FAM3D: variants seen among roughly 807,000 people sequenced by gnomAD.
FAM3D encodes the protein protein FAM3D.
FAM3D carries 26 observed loss-of-function variants against 29.8 expected under a neutral mutation model. That is an observed-to-expected ratio of 0.87 (90% CI 0.64 to 1.21). The LOEUF (loss-of-function observed/expected upper bound fraction) is 1.21. Ranked by LOEUF, FAM3D falls within the 50% of genes most tolerant of loss-of-function variation. The pLI is 0.00. For synonymous variants in FAM3D, 115 were observed against 102.3 expected (o/e 1.12, Z -0.75); for missense variants, 253 against 290.9 (o/e 0.87, Z 0.95).
intron 7 of FAM3D, among the ~76,000 whole-genome samples, chr3:58,639,303 A>C (rs998786959): frequency 5.9e-5 from 9 of 152,176 alleles, no homozygotes; most frequent in Admixed American, 6.5e-5. Context: ...AGGTTATCTA[A>C]TCTTCACATC....
intron 1 of FAM3D, among the ~76,000 whole-genome samples, chr3:58,664,472 T>C (rs962319707): frequency 6.6e-6 from 1 of 152,230 alleles, no homozygotes; most frequent in African/African-American, 2.4e-5. Context: ...GGTGCACAGC[T>C]TGGACAACAG....
chr3:58,663,803 G>A (rs998001482), intron 1 of FAM3D, among the ~76,000 whole-genome samples: 3 of 152,164 alleles, frequency 2.0e-5, no homozygotes, highest in Non-Finnish European at 4.4e-5. Context: ...CCTTGGTTTT[G>A]TGCCTGGCTC....
intron 7 of FAM3D, among the ~76,000 whole-genome samples, chr3:58,639,718 C>T (rs1282864888): frequency 2.0e-5 from 3 of 152,144 alleles, no homozygotes; most frequent in African/African-American, 2.4e-5. Context: ...AAGAGACCTG[C>T]GTGGGCCCTG....
intron 5 of FAM3D, among the ~76,000 whole-genome samples, chr3:58,645,304 G>C (rs1173192711): frequency 6.6e-6 from 1 of 152,176 alleles, no homozygotes; most frequent in Non-Finnish European, 1.5e-5. Context: ...GAATGAATGA[G>C]AGATGCTGTG....
chr3:58,654,083 G>A (rs1035146113), intron 2 of FAM3D, among the ~76,000 whole-genome samples: 2 of 152,248 alleles, frequency 1.3e-5, no homozygotes, highest in Non-Finnish European at 2.9e-5. Flanking sequence ...CTCTAGCAAT[G>A]AGGCCAGCAT....
At chr3:58,660,623 T>C (rs2066911437) in intron 1 of FAM3D, among the ~76,000 whole-genome samples, 2 of 152,212 alleles carry the variant, frequency 1.3e-5, no homozygotes, top group Non-Finnish European at 2.9e-5. Flanking sequence ...TTTTATTTAT[T>C]GGTGTTAATG....
intron 2 of FAM3D, among the ~76,000 whole-genome samples, chr3:58,655,255 A>G (rs1032720747): frequency 2.0e-5 from 3 of 152,186 alleles, no homozygotes; most frequent in African/African-American, 7.2e-5. Context: ...AAATTCTAGA[A>G]TAGCCCTCCT....
Position 58,638,942 on chromosome 3 carries a change from G to A in FAM3D, c.373+1185C>T, listed in dbSNP as rs552939675. Among the ~76,000 whole-genome samples the A allele has an allele frequency of 7.9e-5, 12 of 152,202 alleles. No homozygotes were observed. In the East Asian group the frequency reaches 1.7e-3, roughly 22 times the overall value. On this transcript the variant is annotated intron_variant, in intron 7 of 9. Transcript: ENST00000358781. ...CTGGTGCTTGTCTGGATGGACGGTG[G>A]GTATTTGAAAAAATAAAACATGCCT...
intron 1 of FAM3D, among the ~76,000 whole-genome samples, chr3:58,664,672 G>GTT (rs2066996350): frequency 1.3e-5 from 2 of 152,204 alleles, no homozygotes; most frequent in Middle Eastern, 3.2e-3. Flanking sequence ...GTTGGAAAAA[G>GTT]GGCAGAACTG....
At chr3:58,661,457 G>A (rs1210052962) in intron 1 of FAM3D, among the ~76,000 whole-genome samples, 1 of 152,218 alleles carries the variant, frequency 6.6e-6, no homozygotes, top group African/African-American at 2.4e-5. Context: ...GTTTTAGGGA[G>A]ACTTTCCTCC....
chr3:58,661,446 G>C (rs1263338669), intron 1 of FAM3D, among the ~76,000 whole-genome samples: 2 of 152,186 alleles, frequency 1.3e-5, no homozygotes, highest in Non-Finnish European at 2.9e-5. Context: ...TCCTCAGATA[G>C]GTTTTAGGGA....
intron 7 of FAM3D, 92 bp from the exon 8 acceptor site, chr3:58,637,317 G>T: frequency 1.7e-6 from 2 of 1,196,804 alleles, no homozygotes; most frequent in Non-Finnish European, 2.4e-6. Flanking sequence ...GCAGGAGTCA[G>T]CTAGGCCCGG....
chr3:58,640,422 T>C (rs571330738), intron 6 of FAM3D, among the ~76,000 whole-genome samples: 7 of 152,230 alleles, frequency 4.6e-5, no homozygotes, highest in African/African-American at 1.7e-4. Context: ...TCAGTCTGAG[T>C]CGGTGTTCTG....
intron 1 of FAM3D, among the ~76,000 whole-genome samples, chr3:58,665,536 T>C (rs1372988396): frequency 6.6e-6 from 1 of 152,210 alleles, no homozygotes; most frequent in African/African-American, 2.4e-5. Flanking sequence ...TACCTCATCT[T>C]GTTAATCATT....
At chr3:58,665,207 G>A (rs1436115942) in intron 1 of FAM3D, among the ~76,000 whole-genome samples, 1 of 152,138 alleles carries the variant, frequency 6.6e-6, no homozygotes, top group Non-Finnish European at 1.5e-5. Context: ...TTGGGCAGAT[G>A]CTGAGCAATG....
intron 4 of FAM3D, among the ~76,000 whole-genome samples, chr3:58,647,727 T>A (rs897509210): frequency 6.6e-6 from 1 of 152,164 alleles, no homozygotes; most frequent in African/African-American, 2.4e-5. Flanking sequence ...GGTTCTGGCA[T>A]AGAAGGCTGC....
chr3:58,641,045 G>GT (rs1419454336), intron 6 of FAM3D, among the ~76,000 whole-genome samples: 10 of 152,108 alleles, frequency 6.6e-5, no homozygotes, highest in Non-Finnish European at 1.5e-4. Flanking sequence ...AGTGTTGGGG[G>GT]TGGGGGTGGC....
At chr3:58,640,323 T>A in intron 6 of FAM3D, 146 bp from the exon 7 acceptor site, 1 of 868,822 alleles carries the variant, frequency 1.2e-6, no homozygotes, top group African/African-American at 1.7e-5. Flanking sequence ...CACGCAGGAC[T>A]AAAGTAGGTT....
intron 8 of FAM3D, among the ~76,000 whole-genome samples, 185 bp from the exon 9 acceptor site, chr3:58,636,605 A>G (rs1226361049): frequency 1.3e-5 from 2 of 152,204 alleles, no homozygotes; most frequent in African/African-American, 4.8e-5. Flanking sequence ...CCTCTCTAAA[A>G]GGGCTTCAGA....
Sources: gnomAD v4.1 joint callset for allele counts (sites outside exome capture counted in the v4.1 genomes callset) on GRCh38, gnomAD v4.1.1 for gene constraint, MANE v1.5 for transcripts, NCBI Gene and HGNC (gene_info 2026-07-23, HGNC 2026-07-21) for gene names.